DLEC1: variants seen among roughly 807,000 people sequenced by gnomAD.
The protein encoded by DLEC1 is DLEC1 cilia and flagella associated protein.
DLEC1 carries 146 observed loss-of-function variants against 198.1 expected under a neutral mutation model. The ratio of observed to expected loss-of-function variants is 0.74; its 90% CI spans 0.64 to 0.85. The LOEUF is 0.85. Among genes scored for constraint, DLEC1 ranks in the 40% least tolerant of loss-of-function variants. The pLI, the probability that DLEC1 is intolerant of heterozygous loss-of-function variation, is 0.00. For synonymous variants in DLEC1, 897 were observed against 866.8 expected (o/e 1.03, Z -0.61); for missense variants, 2,233 against 2,220.0 (o/e 1.01, Z -0.12).
intron 24 of DLEC1, 39 bp downstream of exon 24, chr3:38,111,786 C>CG (rs2125728395): frequency 6.3e-7 from 1 of 1,594,668 alleles, no homozygotes; most frequent in Non-Finnish European, 8.5e-7. Flanking sequence ...GCCCAGGCCA[C>CG]GGCCAGAGCC....
At chr3:38,069,181 T>G (rs1697184178) in intron 6 of DLEC1, among the ~76,000 whole-genome samples, 2 of 152,150 alleles carry the variant, frequency 1.3e-5, no homozygotes, top group African/African-American at 4.8e-5. Flanking sequence ...TTCAAAACCT[T>G]GTCGAACTCT....
At chr3:38,082,388 C>G (rs1464111135) in intron 6 of DLEC1, among the ~76,000 whole-genome samples, 6 of 147,770 alleles carry the variant, frequency 4.1e-5, no homozygotes, top group Admixed American at 4.0e-4. Flanking sequence ...ACTTCCCAGA[C>G]GGGGTGGCGG....
chr3:38,091,415 G>T (rs1698740299), intron 10 of DLEC1, among the ~76,000 whole-genome samples: 1 of 152,134 alleles, frequency 6.6e-6, no homozygotes, highest in Non-Finnish European at 1.5e-5. Flanking sequence ...AGTGAGAAAT[G>T]ATCACACCAC....
chr3:38,079,102 G>A (rs535185474), intron 6 of DLEC1, among the ~76,000 whole-genome samples: 184 of 152,180 alleles, frequency 1.2e-3, no homozygotes, highest in African/African-American at 4.0e-3. Context: ...GGGAGTAGAG[G>A]TATCTTATAC....
rs766503400 is a variant in DLEC1, at chr3:38,108,467, C to A, written c.3081C>A (p.Gly1027=). Reference sequence around the variant, plus strand: ...TCTCCCCCAAACATGGCCTGCTGGGCCCAAGTGAGGAGTGCCAGCTCAAGT... The same window carrying A: ...TCTCCCCCAAACATGGCCTGCTGGGACCAAGTGAGGAGTGCCAGCTCAAGT... ...VTVSPKHGLL[G]PSEECQLKLE... Residue 1027 remains glycine, a synonymous_variant, in exon 21 of 37, where the codon GGC becomes GGA. Transcript: ENST00000308059. 6.2e-7 allele frequency: 1 copy of A among 1,614,172 alleles called. No individual in the cohort carries two copies. The highest frequency in any genetic ancestry group is 8.5e-7 in the Non-Finnish European group (1 of 1,180,032).
chr3:38,121,993 C>T, intron 35 of DLEC1, 78 bp from the exon 36 acceptor site: 1 of 1,582,612 alleles, frequency 6.3e-7, no homozygotes, highest in Non-Finnish European at 8.6e-7. Context: ...AGGTACAGGC[C>T]CGGGGGTGGG....
rs780376893 is a variant in DLEC1 at position 38,039,309 on chromosome 3, GC to G, written c.86del (p.Pro29HisfsTer85). ...CQGTMWAPTS[P>X]PAGSSSPSQP... ...AGGGGACAATGTGGGCGCCAACTTC[GC>G]CACCAGCCGGGTCCAGCAGCCCCAG... On this transcript the variant is annotated frameshift_variant, in exon 1 of 37. Coordinates refer to ENST00000308059, the MANE Select transcript of DLEC1 (RefSeq NM_007335.4). LOFTEE classifies it high-confidence loss of function. 1.9e-6 allele frequency: 3 copies of G among 1,614,066 alleles called. No individual in the cohort carries two copies. The African/African-American group carries it at 4.0e-5, about 22-fold the overall frequency.
intron 6 of DLEC1, among the ~76,000 whole-genome samples, chr3:38,077,065 C>T (rs9855972): frequency 0.35 from 53,712 of 151,964 alleles, 9,964 homozygotes; most frequent in East Asian, 0.55. Context: ...GGTCTAAGAA[C>T]TGGGAGGACC....
chr3:38,056,771 A>G (rs1446538286), intron 2 of DLEC1, among the ~76,000 whole-genome samples: 1 of 152,264 alleles, frequency 6.6e-6, no homozygotes, highest in East Asian at 1.9e-4. Context: ...AATATAACGA[A>G]CAGATTCAGT....
intron 6 of DLEC1, among the ~76,000 whole-genome samples, chr3:38,067,751 A>ATTT (rs1697101685): frequency 9.7e-6 from 1 of 103,124 alleles, no homozygotes; most frequent in African/African-American, 4.2e-5. Context: ...GAGTATCTGC[A>ATTT]CTTTTTTTTT....
Position 38,120,498 on chromosome 3 carries a change from C to T in DLEC1, c.4755C>T (p.Leu1585=), listed in dbSNP as rs765609553. The T allele has an allele frequency of 1.2e-6, 2 of 1,614,106 alleles. No individual in the cohort carries two copies. Among genetic ancestry groups the T allele is most frequent in the Non-Finnish European group, 1.7e-6 (2 of 1,180,030 alleles). Residue 1585 remains leucine (L), a synonymous_variant, in exon 34 of 37, where the codon CTC becomes CTT. Transcript: ENST00000308059. ...TGGAGCTGCTCTCCTATCAGAAGCT[C>T]CCAGCTGACCAGACACTGCCTGGGG... The part of the protein sequence containing the change: ...LSLELLSYQK[L]PADQTLPGVD...
At chr3:38,061,267 G>A (rs1696668490) in intron 3 of DLEC1, among the ~76,000 whole-genome samples, 1 of 152,066 alleles carries the variant, frequency 6.6e-6, no homozygotes, top group Non-Finnish European at 1.5e-5. Context: ...CTGCCTCCTG[G>A]GTTCAAGCGT....
In DLEC1 at chr3:38,062,760, A is replaced by T. The variant is rs769218478; in HGVS notation, c.1053A>T (p.Pro351=). 1 of 1,614,074 alleles carries T rather than the reference A, an allele frequency of 6.2e-7. No homozygotes were observed. The change falls in exon 5 of 37, where the codon CCA becomes CCT. Residue 351 remains proline, a synonymous_variant. Transcript: ENST00000308059. ...GKSLVFPPKK[P]APIGEFQSTE... Reference sequence around the variant, plus strand: ...CTCTTGTTTTTCCTCCAAAGAAGCCAGCACCGATAGGAGAATTCCAGAGTA... The same window carrying T: ...CTCTTGTTTTTCCTCCAAAGAAGCCTGCACCGATAGGAGAATTCCAGAGTA...
At chr3:38,041,338 C>T (rs1290759755) in intron 1 of DLEC1, among the ~76,000 whole-genome samples, 1 of 151,156 alleles carries the variant, frequency 6.6e-6, no homozygotes, top group African/African-American at 2.4e-5. Context: ...AGATGGGGTC[C>T]CACTATGTTG....
chr3:38,050,900 A>G (rs1359443516), intron 2 of DLEC1, among the ~76,000 whole-genome samples: 1 of 152,102 alleles, frequency 6.6e-6, no homozygotes, highest in African/African-American at 2.4e-5. Flanking sequence ...GGAGACCTCC[A>G]AAAGGAAAGA....
At chr3:38,113,349 G>A (rs1258275342) in intron 25 of DLEC1, among the ~76,000 whole-genome samples, 3 of 152,296 alleles carry the variant, frequency 2.0e-5, no homozygotes, top group Non-Finnish European at 2.9e-5. Flanking sequence ...AGGGAATTCT[G>A]CACAGCCTGT....
intron 4 of DLEC1, 77 bp downstream of exon 4, chr3:38,062,445 GAGA>G: frequency 6.3e-7 from 1 of 1,592,934 alleles, no homozygotes; most frequent in Non-Finnish European, 8.6e-7. Context: ...CAGATGACAT[GAGA>G]AGCTGTGATG....
chr3:38,085,159 C>A, intron 7 of DLEC1, 115 bp from the exon 8 acceptor site: 7 of 1,197,900 alleles, frequency 5.8e-6, no homozygotes, highest in Non-Finnish European at 8.5e-6. Context: ...TGGCTTTGGC[C>A]CAGAAGGCAC....
At chr3:38,108,612 C>A in intron 21 of DLEC1, 97 bp downstream of exon 21, 1 of 949,480 alleles carries the variant, frequency 1.1e-6, no homozygotes, top group Non-Finnish European at 1.6e-6. Context: ...GGCCACATTG[C>A]TGGTTCTTGT....
Sources: gnomAD v4.1 joint callset for allele counts (sites outside exome capture counted in the v4.1 genomes callset) on GRCh38, gnomAD v4.1.1 for gene constraint, MANE v1.5 for transcripts, NCBI Gene and HGNC (gene_info 2026-07-23, HGNC 2026-07-21) for gene names.